The following ADAMTS18 variants were observed in gnomAD, a reference collection of about 807,000 sequenced individuals.
ADAMTS18 encodes the protein A disintegrin and metalloproteinase with thrombospondin motifs 18.
A neutral mutation model predicts 165.9 loss-of-function variants in ADAMTS18; 157 were observed. The ratio of observed to expected loss-of-function variants is 0.95; its 90% CI spans 0.83 to 1.08. The LOEUF is 1.08. Among genes scored for constraint, ADAMTS18 ranks in the 50% least tolerant of loss-of-function variants. ADAMTS18 has a pLI of 0.00. For synonymous variants in ADAMTS18, 782 were observed against 578.2 expected (o/e 1.35, Z -5.06); for missense variants, 2,040 against 1,534.0 (o/e 1.33, Z -5.51).
intron 12 of ADAMTS18, 37 bp downstream of exon 12, chr16:77,335,719 A>G: frequency 1.2e-6 from 2 of 1,613,820 alleles, no homozygotes; most frequent in East Asian, 2.2e-5. Flanking sequence ...CTGAAGGTTA[A>G]GGCCTTGCAA....
In ADAMTS18 at chr16:77,283,849, C is replaced by T; in HGVS notation, c.*107G>A. On this transcript the variant is annotated 3_prime_UTR_variant, in exon 23 of 23. Transcript: ENST00000282849. ...GCAGGCTCCTTCATCACAGCGGCAG[C>T]TCACAGATGGTTCTCGGTGCTCAGC... The T allele has an allele frequency of 1.2e-6, 1 of 864,246 alleles. No homozygotes were observed. The allele number at this position is 864,246 out of a possible 1,614,324, so 53.5% of individuals were successfully genotyped here.
intron 11 of ADAMTS18, among the ~76,000 whole-genome samples, chr16:77,337,638 T>C (rs1490389796): frequency 1.3e-5 from 2 of 152,234 alleles, no homozygotes; most frequent in Non-Finnish European, 2.9e-5. Flanking sequence ...TTAATTCTAA[T>C]CTAATTTCTT....
intron 16 of ADAMTS18, among the ~76,000 whole-genome samples, chr16:77,312,351 C>T (rs1376242760): frequency 6.6e-6 from 1 of 151,980 alleles, no homozygotes; most frequent in Non-Finnish European, 1.5e-5. Flanking sequence ...ATTCTCCCTG[C>T]CTCAGCCTCC....
intron 3 of ADAMTS18, among the ~76,000 whole-genome samples, chr16:77,367,960 T>C (rs1024911950): frequency 2.6e-5 from 4 of 152,192 alleles, no homozygotes; most frequent in Non-Finnish European, 5.9e-5. Context: ...CACTGCAGCC[T>C]TGACCTCCTG....
At chr16:77,346,445 G>A (rs1482598933) in intron 10 of ADAMTS18, among the ~76,000 whole-genome samples, 6 of 151,866 alleles carry the variant, frequency 4.0e-5, no homozygotes, top group Non-Finnish European at 7.4e-5. Flanking sequence ...AAAGACTCTG[G>A]AATTTTTAAG....
At chr16:77,332,472 G>T (rs906508180) in intron 12 of ADAMTS18, among the ~76,000 whole-genome samples, 1 of 152,132 alleles carries the variant, frequency 6.6e-6, no homozygotes, top group Admixed American at 6.6e-5. Flanking sequence ...TTCTAAAGAT[G>T]CAATTTCTAA....
chr16:77,285,277 G>C (rs1195019161), intron 22 of ADAMTS18, among the ~76,000 whole-genome samples: 2 of 152,098 alleles, frequency 1.3e-5, no homozygotes, highest in African/African-American at 4.8e-5. Flanking sequence ...TATTCAAATG[G>C]TTCTCCTGCG....
chr16:77,367,350 T>A (rs1259356333), intron 4 of ADAMTS18, 91 bp downstream of exon 4: 22 of 1,491,024 alleles, frequency 1.5e-5, no homozygotes, highest in Non-Finnish European at 2.0e-5. Context: ...TAGCCCCATT[T>A]TGACTTGCAA....
At chr16:77,394,743 G>A (rs1457505102) in intron 3 of ADAMTS18, among the ~76,000 whole-genome samples, 1 of 152,084 alleles carries the variant, frequency 6.6e-6, no homozygotes, top group Admixed American at 6.6e-5. Context: ...TTATATTTTT[G>A]GAATTCTACA....
intron 3 of ADAMTS18, among the ~76,000 whole-genome samples, chr16:77,385,907 T>C (rs1354015801): frequency 6.6e-6 from 1 of 152,138 alleles, no homozygotes; most frequent in Admixed American, 6.6e-5. Context: ...ATGTTAGCAA[T>C]TGTGCAGTCC....
chr16:77,360,973 C>A (rs1210382704), intron 7 of ADAMTS18, among the ~76,000 whole-genome samples: 2 of 152,070 alleles, frequency 1.3e-5, no homozygotes, highest in Non-Finnish European at 2.9e-5. Flanking sequence ...GTAAACCCAG[C>A]TACTCTGGAG....
chr16:77,341,624 C>G (rs2056398746), intron 11 of ADAMTS18, 80 bp downstream of exon 11: 2 of 1,137,012 alleles, frequency 1.8e-6, no homozygotes, highest in East Asian at 5.0e-5. Flanking sequence ...AGCATTCACC[C>G]TAAGGTCACA....
intron 16 of ADAMTS18, among the ~76,000 whole-genome samples, chr16:77,303,445 A>G (rs1265117299): frequency 6.6e-6 from 1 of 152,192 alleles, no homozygotes; most frequent in Non-Finnish European, 1.5e-5. Context: ...CCAGTTGTTT[A>G]GGCCAAAATA....
rs2056090247 is a variant in ADAMTS18, at chr16:77,326,033, T to G, written c.1865A>C (p.Gln622Pro). The G allele has an allele frequency of 6.2e-7, 1 of 1,613,732 alleles. No individual in the cohort carries two copies. Among genetic ancestry groups the G allele is most frequent in the East Asian group, 2.2e-5 (1 of 44,832 alleles). ...QERHCNNPKP[Q>P]YGGLFCPGSS... The stretch of plus-strand genomic sequence containing the variant: ...ACCTGGACAGAATAAGCCACCATAC[T>G]GAGGCCTGAAAATGAAATTAATGAA... Residue 622 changes from glutamine (Q) to proline (P), a missense_variant, in exon 13 of 23, where the codon CAG (glutamine) becomes CCG (proline). Gln to Pro is a moderately conservative substitution (Grantham distance 76). Transcript: ENST00000282849.
At chr16:77,287,247 G>A (rs541725511) in intron 22 of ADAMTS18, among the ~76,000 whole-genome samples, 34 of 152,186 alleles carry the variant, frequency 2.2e-4, no homozygotes, top group African/African-American at 6.5e-4. Context: ...GTCACCATGC[G>A]CCTCCTTACT....
intron 3 of ADAMTS18, among the ~76,000 whole-genome samples, chr16:77,417,566 A>G (rs1479310260): frequency 1.3e-5 from 2 of 152,234 alleles, no homozygotes; most frequent in Admixed American, 6.5e-5. Context: ...GTCTATGCAG[A>G]TGGAAGAATT....
chr16:77,325,253 T>A (rs2056072402), intron 13 of ADAMTS18, among the ~76,000 whole-genome samples: 2 of 152,230 alleles, frequency 1.3e-5, no homozygotes, highest in African/African-American at 4.8e-5. Context: ...TTATTCTACA[T>A]AGGTAAGAGC....
chr16:77,370,371 A>T (rs1251059774), intron 3 of ADAMTS18, among the ~76,000 whole-genome samples: 5 of 152,200 alleles, frequency 3.3e-5, no homozygotes, highest in African/African-American at 9.7e-5. Flanking sequence ...AGAATAGAGG[A>T]ACACAGTAGA....
At chr16:77,311,689 A>G (rs2055782711) in intron 16 of ADAMTS18, among the ~76,000 whole-genome samples, 1 of 117,536 alleles carries the variant, frequency 8.5e-6, no homozygotes, top group African/African-American at 3.3e-5. Flanking sequence ...ACAAAATACT[A>G]GATTACTGGA....
Sources: gnomAD v4.1 joint callset for allele counts (sites outside exome capture counted in the v4.1 genomes callset) on GRCh38, gnomAD v4.1.1 for gene constraint, MANE v1.5 for transcripts, NCBI Gene and HGNC (gene_info 2026-07-23, HGNC 2026-07-21) for gene names.